Variants in BICRAL observed in about 807,000 individuals in gnomAD.
BICRAL encodes the protein BICRA like chromatin remodeling complex associated protein, also known as BRD4-interacting chromatin-remodeling complex-associated protein-like.
BICRAL carries 8 observed loss-of-function variants against 91.8 expected under a neutral mutation model. The observed-to-expected ratio is 0.09, with a 90% CI of 0.05 to 0.16. BICRAL has a LOEUF of 0.16. BICRAL is among the 10% of genes least tolerant of loss of function. The pLI, the probability that BICRAL is intolerant of heterozygous loss-of-function variation, is 1.00. For missense variants in BICRAL, 1,038 were observed against 1,310.9 expected, an observed-to-expected ratio of 0.79 and a Z score of 3.21; for synonymous variants, 445 against 491.1, an observed-to-expected ratio of 0.91 and a Z score of 1.24.
chr6:42,783,056 C>T (rs577066171), intron 1 of BICRAL, among the ~76,000 whole-genome samples: 19 of 151,898 alleles, frequency 1.3e-4, no homozygotes, highest in East Asian at 5.9e-4. Flanking sequence ...CCCGCCGCAT[C>T]TGCGGGCGGC....
chr6:42,787,818 T>G (rs541214346), intron 1 of BICRAL, among the ~76,000 whole-genome samples: 110 of 151,758 alleles, frequency 7.2e-4, no homozygotes, highest in South Asian at 1.5e-3. Context: ...GTTAGGGAAA[T>G]TTTGCTGCTG....
intron 1 of BICRAL, among the ~76,000 whole-genome samples, chr6:42,801,680 G>A (rs556042341): frequency 1.3e-5 from 2 of 152,024 alleles, no homozygotes; most frequent in African/African-American, 2.4e-5. Context: ...TCAGGAGTTC[G>A]ATACCAGCCT....
chr6:42,860,308 C>G lies in BICRAL; in HGVS notation c.2301C>G (p.Thr767=), dbSNP rs201561013. 3.7e-6 allele frequency: 6 copies of G among 1,611,166 alleles called. No individual in the cohort carries two copies. In the East Asian group the frequency reaches 1.3e-4, roughly 36 times the overall value. The stretch of plus-strand genomic sequence containing the variant: ...TTGCCACTCAGCTCCTAAAAAGGAC[C>G]CAAGCTATGCTTAACAAATACAGAT... The part of the protein sequence containing the change: ...ETVATQLLKR[T]QAMLNKYRCL... Residue 767 remains threonine (T), a synonymous_variant, in exon 11 of 13, where the codon ACC becomes ACG. Coordinates refer to ENST00000314073, the MANE Select transcript of BICRAL (RefSeq NM_001393499.1).
intron 2 of BICRAL, among the ~76,000 whole-genome samples, chr6:42,814,520 T>TATATATATATATATA (rs1491538864): frequency 2.9e-4 from 12 of 41,166 alleles, no homozygotes; most frequent in African/African-American, 1.3e-3. Flanking sequence ...TATATATATA[T>TATATATATATATATA]TTTTTTTTTT....
upstream of BICRAL, among the ~76,000 whole-genome samples, chr6:42,780,883 CCCA>C (rs1281783254): frequency 6.6e-6 from 1 of 151,970 alleles, no homozygotes; most frequent in Non-Finnish European, 1.5e-5. Context: ...ATTACAGGAG[CCCA>C]CCACCACGCC....
rs1765770204 is a variant in BICRAL at position 42,868,228 on chromosome 6, T to A, written c.*2782T>A. The A allele has an allele frequency of 6.6e-6, 1 of 152,568 alleles. No individual in the cohort carries two copies. Among genetic ancestry groups the A allele is most frequent in the Non-Finnish European group, 1.5e-5 (1 of 68,022 alleles). 9.5% of individuals were successfully genotyped at this position (152,568 alleles called of 1,614,324 possible). ...CTCTGAAGGATTTAGTAGATTCTGT[T>A]AGATTAGGGAGGCCTTACAGACTGA... On this transcript the variant is annotated 3_prime_UTR_variant, in exon 13 of 13. Coordinates refer to ENST00000314073, the MANE Select transcript of BICRAL (RefSeq NM_001393499.1).
At position 42,829,988 on chromosome 6, in the gene BICRAL, G is replaced by T. The variant is rs376512564; in HGVS notation, c.1655G>T (p.Ser552Ile). ...AGCTCAGCCAGCACTGCCCATCCTAGTCTTGGGTCTGCAGTTCAGTCTGGT... is the reference window on the plus strand; with the variant it reads ...AGCTCAGCCAGCACTGCCCATCCTATTCTTGGGTCTGCAGTTCAGTCTGGT... ...AVSSASTAHPSLGSAVQSGSS... is the reference protein window; with the variant it reads ...AVSSASTAHPILGSAVQSGSS... The change falls in exon 6 of 13, where the codon AGT (serine) becomes ATT (isoleucine). Residue 552 changes from serine to isoleucine, a missense_variant. By Grantham distance (142) the Ser-to-Ile change is moderately radical. Transcript: ENST00000314073. The T allele has an allele frequency of 3.1e-6, 5 of 1,614,090 alleles. No homozygotes were observed. The African/African-American group carries it at 6.7e-5, about 22-fold the overall frequency.
intron 1 of BICRAL, among the ~76,000 whole-genome samples, chr6:42,750,138 C>T (rs1307493581): frequency 6.6e-6 from 1 of 152,002 alleles, no homozygotes; most frequent in African/African-American, 2.4e-5. Flanking sequence ...TCTGGGATTA[C>T]AGGTGTGAGC....
chr6:42,759,731 C>T (rs1762517850), intron 1 of BICRAL, among the ~76,000 whole-genome samples: 1 of 152,188 alleles, frequency 6.6e-6, no homozygotes, highest in African/African-American at 2.4e-5. Flanking sequence ...TTGCCTCCTA[C>T]AAGATCTGTT....
intron 1 of BICRAL, among the ~76,000 whole-genome samples, chr6:42,754,242 G>T (rs1762424785): frequency 6.6e-6 from 1 of 151,966 alleles, no homozygotes; most frequent in African/African-American, 2.4e-5. Context: ...CACAATCTGG[G>T]CTCACTGCAA....
chr6:42,833,368 A>C (rs2113968016), intron 6 of BICRAL, among the ~76,000 whole-genome samples: 1 of 152,234 alleles, frequency 6.6e-6, no homozygotes, highest in East Asian at 1.9e-4. Flanking sequence ...TCTTGAGCTC[A>C]AGCAATCCTC....
At chr6:42,752,633 TCTCA>T (rs1364956823) in intron 1 of BICRAL, among the ~76,000 whole-genome samples, 4 of 151,536 alleles carry the variant, frequency 2.6e-5, no homozygotes, top group African/African-American at 9.7e-5. Context: ...TTAGATTGAG[TCTCA>T]CTGTTTCCCA....
At chr6:42,843,703 T>C (rs992140765) in intron 6 of BICRAL, among the ~76,000 whole-genome samples, 3 of 152,054 alleles carry the variant, frequency 2.0e-5, no homozygotes, top group African/African-American at 7.2e-5. Flanking sequence ...TTGAGGTACC[T>C]GTAGGACAGC....
rs564683423 is a variant in BICRAL at position 42,808,116 on chromosome 6, G to T, written c.-101-2190G>T. 1.5e-4 allele frequency among the ~76,000 whole-genome samples: 22 copies of T among 151,718 alleles called. No homozygotes were observed. The East Asian group carries it at 3.7e-3, about 25-fold the overall frequency. ...ATATGATGAGATTCCTGTTTTTGAG[G>T]GTAGTACTATAATATCTTTTTTTTT... On this transcript the variant is annotated intron_variant, in intron 1 of 12. Transcript: ENST00000314073.
intron 1 of BICRAL, among the ~76,000 whole-genome samples, chr6:42,807,542 G>T (rs1159280552): frequency 6.6e-6 from 1 of 151,446 alleles, no homozygotes; most frequent in Non-Finnish European, 1.5e-5. Flanking sequence ...ACCTATTTCA[G>T]TATGGATTTC....
At chr6:42,817,958 C>A (rs1764042971) in intron 2 of BICRAL, among the ~76,000 whole-genome samples, 1 of 133,686 alleles carries the variant, frequency 7.5e-6, no homozygotes, top group Non-Finnish European at 1.6e-5. Context: ...CATAGAGAGA[C>A]CCTATCTCTA....
At chr6:42,839,499 A>G (rs969994452) in intron 6 of BICRAL, among the ~76,000 whole-genome samples, 3 of 151,876 alleles carry the variant, frequency 2.0e-5, no homozygotes, top group South Asian at 4.2e-4. Flanking sequence ...TTTTAAACAC[A>G]AAGTAGACAA....
intron 1 of BICRAL, among the ~76,000 whole-genome samples, chr6:42,766,605 C>T (rs921797375): frequency 2.0e-5 from 3 of 151,936 alleles, no homozygotes; most frequent in Non-Finnish European, 2.9e-5. Context: ...TTTGGGAGGC[C>T]GAGCGGGTGG....
intron 1 of BICRAL, among the ~76,000 whole-genome samples, chr6:42,783,802 C>T (rs904165148): frequency 1.1e-4 from 16 of 152,344 alleles, no homozygotes; most frequent in African/African-American, 3.8e-4. Flanking sequence ...ACCCCGCACC[C>T]CCACTCCTCC....
Sources: gnomAD v4.1 joint callset for allele counts (sites outside exome capture counted in the v4.1 genomes callset) on GRCh38, gnomAD v4.1.1 for gene constraint, MANE v1.5 for transcripts, NCBI Gene and HGNC (gene_info 2026-07-23, HGNC 2026-07-21) for gene names.